Variants in NHS observed in about 807,000 individuals in gnomAD.
NHS encodes the protein NHS actin remodeling regulator.
A neutral mutation model predicts 72.5 loss-of-function variants in NHS; 5 were observed. The ratio of observed to expected loss-of-function variants is 0.07; its 90% CI spans 0.04 to 0.14. The LOEUF is 0.14. Among genes scored for constraint, NHS ranks in the 10% least tolerant of loss-of-function variants. The pLI is 1.00. For synonymous variants in NHS, 464 were observed against 547.7 expected (o/e 0.85, Z 2.13); for missense variants, 1,072 against 1,355.7 (o/e 0.79, Z 3.29).
At chrX:17,723,766 T>TGC (rs1360570220) in intron 5 of NHS, among the ~76,000 whole-genome samples, 23 of 97,698 alleles carry the variant, frequency 2.4e-4, no homozygotes, top group African/African-American at 8.1e-4. Flanking sequence ...TGTGTGTGTG[T>TGC]GTGTGCGCGC....
At chrX:17,542,704 A>C (rs939223665) in intron 1 of NHS, among the ~76,000 whole-genome samples, 1 of 110,361 alleles carries the variant, frequency 9.1e-6, no homozygotes. Context: ...AGAGAGAGAG[A>C]GAGAGAGAGA....
intron 1 of NHS, among the ~76,000 whole-genome samples, chrX:17,662,476 G>T (rs779444167): frequency 9.0e-6 from 1 of 111,585 alleles, no homozygotes; most frequent in East Asian, 2.8e-4. Flanking sequence ...TTTGGGCATG[G>T]CACTGGCAAT....
chrX:17,399,015 A>G (rs910085848), intron 1 of NHS, among the ~76,000 whole-genome samples: 1 of 112,132 alleles, frequency 8.9e-6, no homozygotes, highest in Non-Finnish European at 1.9e-5. Context: ...AACGCTATCT[A>G]ATTCCAAAGC....
chrX:17,708,118 T>G (rs1319349207), intron 3 of NHS, among the ~76,000 whole-genome samples: 1 of 112,292 alleles, frequency 8.9e-6, no homozygotes, highest in Non-Finnish European at 1.9e-5. Context: ...GTGTTCTCTG[T>G]ATCTCAGATA....
At chrX:17,661,099 A>G (rs2065980457) in intron 1 of NHS, among the ~76,000 whole-genome samples, 1 of 111,696 alleles carries the variant, frequency 9.0e-6, no homozygotes, top group African/African-American at 3.3e-5. Flanking sequence ...GAGAAGGGGA[A>G]CAGAAGTGTG....
At position 17,534,516 on chromosome X, in the gene NHS, C is replaced by G. The variant is rs144784310; in HGVS notation, c.566-153226C>G. On this transcript the variant is annotated intron_variant, in intron 1 of 8. Transcript: ENST00000676302. The stretch of plus-strand genomic sequence containing the variant: ...AGAGCTCAGAAAGCAGCAATGTCTT[C>G]AAAGAGAGAAGTTAAAATTCTAGTT... Among the ~76,000 whole-genome samples, 14 of 110,663 alleles carry G rather than the reference C, an allele frequency of 1.3e-4. No individual in the cohort carries two copies. The East Asian group carries it at 2.6e-3, about 20-fold the overall frequency.
chrX:17,417,769 T>C (rs1209320435), intron 1 of NHS, among the ~76,000 whole-genome samples: 3 of 112,524 alleles, frequency 2.7e-5, no homozygotes, highest in Non-Finnish European at 3.7e-5. Flanking sequence ...GACATGTTCA[T>C]AGAAGTTACA....
At chrX:17,453,879 T>A (rs937845510) in intron 1 of NHS, among the ~76,000 whole-genome samples, 1 of 111,573 alleles carries the variant, frequency 9.0e-6, no homozygotes, top group African/African-American at 3.3e-5. Flanking sequence ...CTGGGGAGGA[T>A]GATTCAGGTG....
At chrX:17,420,312 G>A (rs958884211) in intron 1 of NHS, among the ~76,000 whole-genome samples, 1 of 111,216 alleles carries the variant, frequency 9.0e-6, no homozygotes, top group African/African-American at 3.3e-5. Context: ...CTGCTCATCC[G>A]TCCACCCCTG....
At chrX:17,460,260 C>T (rs1255265613) in intron 1 of NHS, among the ~76,000 whole-genome samples, 1 of 111,765 alleles carries the variant, frequency 8.9e-6, no homozygotes, top group East Asian at 2.8e-4. Context: ...ATTTACATGC[C>T]ATAAAGCTCA....
chrX:17,447,809 A>ACACACACACACACACACG lies in NHS; in HGVS notation c.565+71497_565+71498insCACACACGCACACACACA, dbSNP rs1569256645. On this transcript the variant is annotated intron_variant, in intron 1 of 8. Coordinates refer to ENST00000676302, the MANE Select transcript of NHS (RefSeq NM_001291867.2). ...CGCACACACACACACACACACACAC[A>ACACACACACACACACACG]CACACACACAGAGGATTTTCTGGTT... is the stretch of plus-strand genomic sequence containing the variant. Among the ~76,000 whole-genome samples the ACACACACACACACACACG allele has an allele frequency of 1.1e-3, 125 of 110,100 alleles. 1 individual carries two copies. The highest frequency in any genetic ancestry group is 3.8e-3 in the African/African-American group (115 of 30,279).
chrX:17,526,456 G>A (rs1268183785), intron 1 of NHS, among the ~76,000 whole-genome samples: 2 of 112,243 alleles, frequency 1.8e-5, no homozygotes, highest in African/African-American at 6.5e-5. Flanking sequence ...AGTGCGCAAG[G>A]CCTTTCGAGA....
At chrX:17,566,646 G>A (rs902007715) in intron 1 of NHS, among the ~76,000 whole-genome samples, 1 of 110,882 alleles carries the variant, frequency 9.0e-6, no homozygotes, top group Non-Finnish European at 1.9e-5. Context: ...GCTCTGCTTT[G>A]TAAGATAAGA....
intron 1 of NHS, among the ~76,000 whole-genome samples, chrX:17,426,357 T>A (rs776705621): frequency 9.0e-6 from 1 of 111,658 alleles, no homozygotes; most frequent in South Asian, 3.9e-4. Flanking sequence ...TCTCATTGTG[T>A]GTACCTGCTT....
intron 1 of NHS, among the ~76,000 whole-genome samples, chrX:17,433,196 CTTTT>C (rs768285319): frequency 2.0e-4 from 13 of 64,600 alleles, no homozygotes; most frequent in African/African-American, 7.2e-4. Flanking sequence ...CGCCCGGCTA[CTTTT>C]TTTTTTTTTT....
intron 1 of NHS, among the ~76,000 whole-genome samples, chrX:17,470,937 G>A (rs2064889933): frequency 9.0e-6 from 1 of 111,170 alleles, no homozygotes. Flanking sequence ...ATGGCAGTGG[G>A]GGGGTGTTGA....
chrX:17,582,120 A>G (rs2065547187), intron 1 of NHS, among the ~76,000 whole-genome samples: 1 of 111,624 alleles, frequency 9.0e-6, no homozygotes, highest in African/African-American at 3.3e-5. Context: ...AAATTTATTC[A>G]GTTTCCTCAC....
intron 3 of NHS, among the ~76,000 whole-genome samples, chrX:17,704,836 C>G (rs1043791134): frequency 5.4e-5 from 6 of 111,906 alleles, no homozygotes; most frequent in Admixed American, 3.8e-4. Context: ...TGGGGTGCCA[C>G]GTGGAACAGA....
intron 3 of NHS, among the ~76,000 whole-genome samples, chrX:17,712,270 T>TACATAC: frequency 2.5e-5 from 2 of 78,772 alleles, no homozygotes; most frequent in African/African-American, 8.9e-5. Context: ...TATATATATA[T>TACATAC]ATATATATAT....
Sources: allele counts gnomAD v4.1 joint callset (sites outside exome capture counted in the v4.1 genomes callset), GRCh38; gene constraint gnomAD v4.1.1; transcripts MANE v1.5; gene names NCBI Gene and HGNC (gene_info 2026-07-23, HGNC 2026-07-21).